Variants in TENM2 observed in about 807,000 individuals in gnomAD.
The protein encoded by TENM2 is teneurin-2.
Under a neutral mutation model 245.2 loss-of-function variants are expected in TENM2, and 52 were observed. The ratio of observed to expected loss-of-function variants is 0.21; its 90% CI spans 0.17 to 0.27. TENM2 has a LOEUF of 0.27. TENM2 is among the 10% of genes least tolerant of loss of function. The probability of loss-of-function intolerance (pLI) is 1.00; values close to 1 mark genes in which losing one functional copy is unlikely to be tolerated. For synonymous variants in TENM2, 1,363 were observed against 1,438.9 expected (o/e 0.95, Z 1.19); for missense variants, 3,046 against 3,666.8 (o/e 0.83, Z 4.37).
chr5:168,079,726 T>C (rs1260987741), intron 7 of TENM2, among the ~76,000 whole-genome samples: 2 of 152,350 alleles, frequency 1.3e-5, no homozygotes, highest in African/African-American at 4.8e-5. Context: ...ATGTGATGGA[T>C]TGCATTTATT....
chr5:167,688,066 T>C (rs1369892161), intron 2 of TENM2, among the ~76,000 whole-genome samples: 1 of 152,198 alleles, frequency 6.6e-6, no homozygotes, highest in Non-Finnish European at 1.5e-5. Flanking sequence ...ATTGTTTTTA[T>C]CATTCTTGAT....
At chr5:167,737,924 A>G (rs935698279) in intron 2 of TENM2, among the ~76,000 whole-genome samples, 13 of 152,206 alleles carry the variant, frequency 8.5e-5, no homozygotes, top group African/African-American at 2.4e-4. Context: ...AGACAGTTCT[A>G]TAGGGCACTG....
chr5:167,878,500 G>A lies in TENM2; in HGVS notation c.712+2305G>A, dbSNP rs575967915. Among the ~76,000 whole-genome samples the A allele has an allele frequency of 3.3e-5, 5 of 152,194 alleles. No homozygotes were observed. The East Asian group carries it at 9.7e-4, about 29-fold the overall frequency. On this transcript the variant is annotated intron_variant, in intron 3 of 28. Transcript: ENST00000518659. ...TTGTTAAAGCTCCGGTCAACAGGCAGTCATTAGAAATTCTGGACTCTGGCT... is the reference window on the plus strand; with the variant it reads ...TTGTTAAAGCTCCGGTCAACAGGCAATCATTAGAAATTCTGGACTCTGGCT...
chr5:168,257,857 G>A lies in TENM2; in HGVS notation c.7433-2426G>A, dbSNP rs192927420. On this transcript the variant is annotated intron_variant, in intron 27 of 28. Transcript: ENST00000518659. ...TCTCAACCTCCTGACCTGGTGATCC[G>A]CCTGCCTTGGCCTCCCAAAGTGTTG... Among the ~76,000 whole-genome samples the A allele has an allele frequency of 9.4e-3, 1,433 of 152,122 alleles. 22 individuals are homozygous for A. The highest frequency in any genetic ancestry group is 0.032 in the African/African-American group (1,342 of 41,506).
At chr5:167,905,310 A>C (rs1583325953) in intron 3 of TENM2, among the ~76,000 whole-genome samples, 1 of 152,312 alleles carries the variant, frequency 6.6e-6, no homozygotes, top group Non-Finnish European at 1.5e-5. Flanking sequence ...ACTATTTAGA[A>C]GGTATTTGGG....
chr5:167,614,410 G>T (rs2127756232), intron 2 of TENM2, among the ~76,000 whole-genome samples: 1 of 152,140 alleles, frequency 6.6e-6, no homozygotes, highest in South Asian at 2.1e-4. Context: ...CTCCTTTGGG[G>T]TCATTCAGTG....
At chr5:167,752,261 ATTTTTTTTTTT>A (rs575290973) in intron 2 of TENM2, among the ~76,000 whole-genome samples, 3 of 123,354 alleles carry the variant, frequency 2.4e-5, no homozygotes, top group African/African-American at 6.4e-5. Context: ...TGCCCAGCTA[ATTTTTTTTTTT>A]TTTTTTTTTT....
At chr5:167,385,375 T>G (rs945043732) in intron 2 of TENM2, among the ~76,000 whole-genome samples, 6 of 152,158 alleles carry the variant, frequency 3.9e-5, no homozygotes, top group African/African-American at 1.4e-4. Flanking sequence ...GAGATCTATT[T>G]TTTTTCAAGC....
At chr5:167,420,745 C>A (rs1314867429) in intron 2 of TENM2, among the ~76,000 whole-genome samples, 5 of 152,252 alleles carry the variant, frequency 3.3e-5, no homozygotes, top group Admixed American at 3.3e-4. Flanking sequence ...CACCATCATT[C>A]TCTACTATAG....
intron 13 of TENM2, among the ~76,000 whole-genome samples, chr5:168,182,667 C>T (rs575912407): frequency 1.9e-4 from 29 of 152,210 alleles, no homozygotes; most frequent in African/African-American, 6.7e-4. Context: ...TGCATCTCAG[C>T]GGGCCCTGAG....
At chr5:168,213,266 G>C (rs1454666951) in intron 20 of TENM2, among the ~76,000 whole-genome samples, 1 of 152,204 alleles carries the variant, frequency 6.6e-6, no homozygotes, top group East Asian at 1.9e-4. Flanking sequence ...TTGACTTCTA[G>C]TTCAGGGATG....
the TENM2 span, among the ~76,000 whole-genome samples, chr5:166,985,043 C>G: frequency 6.6e-6 from 1 of 151,950 alleles, no homozygotes; most frequent in Non-Finnish European, 1.5e-5. Context: ...AAAGTAAATG[C>G]CAATAGGGGT....
intron 2 of TENM2, among the ~76,000 whole-genome samples, chr5:167,455,468 T>TTTG (rs1021831642): frequency 6.6e-6 from 1 of 151,660 alleles, no homozygotes; most frequent in Non-Finnish European, 1.5e-5. Flanking sequence ...TTTTTTTTTT[T>TTTG]TCAAATGTAT....
intron 2 of TENM2, among the ~76,000 whole-genome samples, chr5:167,805,143 AG>A (rs1294738811): frequency 6.6e-6 from 1 of 152,086 alleles, no homozygotes; most frequent in Non-Finnish European, 1.5e-5. Flanking sequence ...AGGGCGTAAG[AG>A]GGGCATTGTC....
chr5:168,252,146 G>A (rs982018279), intron 27 of TENM2, among the ~76,000 whole-genome samples: 5 of 152,088 alleles, frequency 3.3e-5, no homozygotes, highest in African/African-American at 7.2e-5. Flanking sequence ...GGGAGGCCAA[G>A]GCAAGAGTAT....
chr5:167,573,794 C>T (rs1054534517), intron 2 of TENM2, among the ~76,000 whole-genome samples: 13 of 151,160 alleles, frequency 8.6e-5, no homozygotes, highest in African/African-American at 3.2e-4. Flanking sequence ...GGTGGCGTCA[C>T]ATTGCTCCCC....
Position 168,004,517 on chromosome 5 carries a change from GCACACACACACACA to G in TENM2, c.1186+11363_1186+11376del, listed in dbSNP as rs550787443. Among the ~76,000 whole-genome samples the G allele has an allele frequency of 7.6e-5, 10 of 132,226 alleles. No homozygotes were observed. The South Asian group carries it at 7.9e-4, about 10-fold the overall frequency. The allele number at this position is 132,226 out of a possible 152,430, so 86.7% of individuals were successfully genotyped here. A position where few individuals can be genotyped will look rare whatever the true frequency, so the allele number is the denominator to read the frequency against. On this transcript the variant is annotated intron_variant, in intron 5 of 28. Coordinates refer to ENST00000518659, the Ensembl canonical transcript of TENM2. ...TTGGGATGCACGCATGCGCGCGCGC[GCACACACACACACA>G]CACACACACACACACACACACACAC...
intron 2 of TENM2, among the ~76,000 whole-genome samples, chr5:167,730,535 T>C (rs1393783819): frequency 6.6e-6 from 1 of 152,180 alleles, no homozygotes; most frequent in African/African-American, 2.4e-5. Flanking sequence ...AGTGCTCCTT[T>C]ATTATATGAT....
chr5:167,872,491 A>C (rs1350285853), intron 2 of TENM2, among the ~76,000 whole-genome samples: 3 of 15,986 alleles, frequency 1.9e-4, no homozygotes, highest in Non-Finnish European at 6.6e-4. Context: ...AGAAAAAGAA[A>C]GAAAGAAAGA....
Sources: allele counts gnomAD v4.1 joint callset (sites outside exome capture counted in the v4.1 genomes callset), GRCh38; gene constraint gnomAD v4.1.1; transcripts MANE v1.5; gene names NCBI Gene and HGNC (gene_info 2026-07-23, HGNC 2026-07-21).